The following EYS variants were observed in gnomAD, a reference collection of about 807,000 sequenced individuals.
EYS encodes EGF-like photoreceptor maintenance factor.
A neutral mutation model predicts 282.1 loss-of-function variants in EYS; 250 were observed. That is an observed-to-expected ratio of 0.89 (90% confidence interval 0.80 to 0.98). The LOEUF (loss-of-function observed/expected upper bound fraction) is 0.98. Among genes scored for constraint, EYS ranks in the 50% least tolerant of loss-of-function variants. The probability of loss-of-function intolerance (pLI) is 0.00; values close to 1 mark genes in which losing one functional copy is unlikely to be tolerated. For missense variants in EYS, 4,016 were observed against 3,709.0 expected (o/e 1.08, Z -2.15); for synonymous variants, 1,355 against 1,282.9 (o/e 1.06, Z -1.20).
At position 64,168,704 on chromosome 6, in the gene EYS, T is replaced by C. The variant is rs151225317; in HGVS notation, c.6424+61888A>G. Among the ~76,000 whole-genome samples the C allele has an allele frequency of 3.9e-3, 597 of 152,314 alleles. 3 individuals are homozygous for C. Among genetic ancestry groups the C allele is most frequent in the African/African-American group, 0.013 (560 of 41,564 alleles). On this transcript the variant is annotated intron_variant, in intron 31 of 42. Coordinates refer to ENST00000503581, the MANE Select transcript of EYS (RefSeq NM_001142800.2). ...GAAATATCCAGGGAAGGAAAACTTA[T>C]GGTCATAAAAGTGGATTAAGGATTA...
chr6:63,898,423 G>A (rs1423152320), intron 35 of EYS, among the ~76,000 whole-genome samples: 4 of 151,962 alleles, frequency 2.6e-5, no homozygotes, highest in South Asian at 2.1e-4. Context: ...CCCGGGAGGC[G>A]GAGGTTGCTG....
intron 22 of EYS, among the ~76,000 whole-genome samples, chr6:64,635,435 T>G (rs1470516936): frequency 6.6e-6 from 1 of 152,186 alleles, no homozygotes; most frequent in East Asian, 1.9e-4. Context: ...TTTTTGCCCA[T>G]TCAGTATGAT....
intron 22 of EYS, among the ~76,000 whole-genome samples, chr6:64,627,840 G>A (rs1270462964): frequency 2.6e-5 from 4 of 152,220 alleles, no homozygotes; most frequent in Non-Finnish European, 5.9e-5. Flanking sequence ...AGCATTTTGG[G>A]AGACCGAGGC....
intron 35 of EYS, among the ~76,000 whole-genome samples, chr6:63,971,658 A>T (rs1406721244): frequency 1.3e-5 from 2 of 152,206 alleles, no homozygotes; most frequent in African/African-American, 2.4e-5. Context: ...AAGGAAATAA[A>T]AAAGCCCAGA....
At chr6:64,513,090 A>T (rs566508709) in intron 26 of EYS, among the ~76,000 whole-genome samples, 3 of 152,048 alleles carry the variant, frequency 2.0e-5, no homozygotes, top group African/African-American at 7.2e-5. Context: ...TTCTATATAA[A>T]CAGTTTGATA....
intron 2 of EYS, among the ~76,000 whole-genome samples, chr6:65,627,023 CTTT>C (rs759641170): frequency 2.4e-3 from 357 of 151,800 alleles, no homozygotes; most frequent in Admixed American, 4.1e-3. Flanking sequence ...CCCTTTCTTT[CTTT>C]CTCTTTCTTT....
intron 5 of EYS, among the ~76,000 whole-genome samples, chr6:65,485,268 T>C (rs1765747482): frequency 1.3e-5 from 2 of 152,224 alleles, no homozygotes; most frequent in South Asian, 2.1e-4. Context: ...ATCATCAGCA[T>C]CTACTTTTAA....
At chr6:64,907,473 T>C (rs1767864842) in intron 16 of EYS, among the ~76,000 whole-genome samples, 1 of 152,150 alleles carries the variant, frequency 6.6e-6, no homozygotes, top group Admixed American at 6.5e-5. Context: ...CTAATGGCCA[T>C]AAACATATGA....
chr6:65,683,170 C>A (rs148509866), intron 1 of EYS, among the ~76,000 whole-genome samples: 1 of 151,928 alleles, frequency 6.6e-6, no homozygotes, highest in Non-Finnish European at 1.5e-5. Context: ...TTATCACTCA[C>A]GATAAAAATT....
At chr6:64,314,082 A>G (rs1195207451) in intron 29 of EYS, among the ~76,000 whole-genome samples, 1 of 151,696 alleles carries the variant, frequency 6.6e-6, no homozygotes, top group Non-Finnish European at 1.5e-5. Context: ...CAATTTGGAC[A>G]AAGAGTCAAG....
intron 35 of EYS, among the ~76,000 whole-genome samples, chr6:63,885,522 T>C (rs1773241569): frequency 6.6e-6 from 1 of 152,200 alleles, no homozygotes; most frequent in African/African-American, 2.4e-5. Context: ...TTTATGAAGT[T>C]CTGATGTGTT....
At chr6:64,198,172 T>C (rs1444038189) in intron 31 of EYS, among the ~76,000 whole-genome samples, 2 of 150,944 alleles carry the variant, frequency 1.3e-5, no homozygotes, top group Non-Finnish European at 3.0e-5. Flanking sequence ...TAATTTTTTT[T>C]TTTTTTTTGT....
At chr6:65,332,344 C>A (rs1259596499) in intron 11 of EYS, 1 of 774,920 alleles carries the variant, frequency 1.3e-6, no homozygotes, top group East Asian at 2.7e-5. Flanking sequence ...ACGATAAATC[C>A]CACCTGGTCA....
intron 13 of EYS, among the ~76,000 whole-genome samples, chr6:65,043,690 C>G (rs1343647296): frequency 2.0e-5 from 3 of 151,154 alleles, no homozygotes; most frequent in African/African-American, 7.3e-5. Context: ...AATGTTCTCC[C>G]TATAGGTTAA....
intron 12 of EYS, among the ~76,000 whole-genome samples, chr6:65,227,135 AG>A (rs1372288714): frequency 1.4e-5 from 2 of 147,996 alleles, no homozygotes; most frequent in Non-Finnish European, 3.0e-5. Context: ...CGGGAGGCTG[AG>A]GGGAAAAACA....
At chr6:63,829,144 C>T (rs927265587) in intron 36 of EYS, among the ~76,000 whole-genome samples, 40 of 152,142 alleles carry the variant, frequency 2.6e-4, no homozygotes, top group Admixed American at 6.5e-4. Context: ...AGCTCCAGTC[C>T]GCACCTCTCA....
intron 2 of EYS, among the ~76,000 whole-genome samples, chr6:65,531,716 G>A (rs936358884): frequency 2.0e-5 from 3 of 152,166 alleles, no homozygotes; most frequent in African/African-American, 7.2e-5. Context: ...TGTGGACTGG[G>A]TGCCAGAGCT....
intron 10 of EYS, among the ~76,000 whole-genome samples, chr6:65,336,785 T>G (rs563773585): frequency 3.3e-5 from 5 of 151,698 alleles, no homozygotes; most frequent in African/African-American, 1.2e-4. Flanking sequence ...ATAATTATAT[T>G]TTTAACAGCT....
At chr6:64,065,656 T>G (rs987342651) in intron 33 of EYS, among the ~76,000 whole-genome samples, 3 of 152,188 alleles carry the variant, frequency 2.0e-5, no homozygotes, top group Non-Finnish European at 4.4e-5. Context: ...AACCAATTCC[T>G]AGCAGCTGTA....
Sources: allele counts gnomAD v4.1 joint callset (sites outside exome capture counted in the v4.1 genomes callset), GRCh38; gene constraint gnomAD v4.1.1; transcripts MANE v1.5; gene names NCBI Gene and HGNC (gene_info 2026-07-23, HGNC 2026-07-21).